Variants in EPHA6 observed in about 807,000 individuals in gnomAD.
The protein encoded by EPHA6 is ephrin type-A receptor 6.
A neutral mutation model predicts 112.0 loss-of-function variants in EPHA6; 50 were observed. The observed-to-expected ratio is 0.45, with a 90% CI of 0.36 to 0.56. The LOEUF (loss-of-function observed/expected upper bound fraction) is 0.56, where lower values mean the gene tolerates loss of function less well. Among genes scored for constraint, EPHA6 ranks in the 20% least tolerant of loss-of-function variants. The pLI is 0.00. For synonymous variants in EPHA6, 529 were observed against 490.7 expected, an observed-to-expected ratio of 1.08 and a Z score of -1.03; for missense variants, 1,280 against 1,417.4, an observed-to-expected ratio of 0.90 and a Z score of 1.56.
In EPHA6 at chr3:97,591,787, G is replaced by A. The variant is rs537361033; in HGVS notation, c.2387-825G>A. On this transcript the variant is annotated intron_variant, in intron 11 of 17. Transcript: ENST00000389672. ...CAATCTCCCAAATAAGAATGTATTC[G>A]TGATTTATTTTTATTCTAGTGTGGG... 6.6e-5 allele frequency among the ~76,000 whole-genome samples: 10 copies of A among 152,236 alleles called. No homozygotes were observed. The South Asian group carries it at 8.3e-4, about 13-fold the overall frequency.
At chr3:97,660,570 C>T (rs897113957) in intron 14 of EPHA6, among the ~76,000 whole-genome samples, 2 of 152,060 alleles carry the variant, frequency 1.3e-5, no homozygotes, top group Non-Finnish European at 2.9e-5. Context: ...AAATGTGGCA[C>T]ATTCTGACAG....
chr3:97,117,136 A>G (rs2047911618), intron 3 of EPHA6, among the ~76,000 whole-genome samples: 1 of 151,640 alleles, frequency 6.6e-6, no homozygotes, highest in African/African-American at 2.4e-5. Flanking sequence ...CTTGGGAAAA[A>G]TATCTTCTGA....
At chr3:96,912,751 C>A (rs1350128649) in intron 2 of EPHA6, among the ~76,000 whole-genome samples, 1 of 151,916 alleles carries the variant, frequency 6.6e-6, no homozygotes, top group Non-Finnish European at 1.5e-5. Flanking sequence ...CCATGCCCAG[C>A]TAATTTTTTC....
intron 10 of EPHA6, among the ~76,000 whole-genome samples, chr3:97,523,544 G>A (rs909132971): frequency 2.6e-5 from 4 of 151,916 alleles, no homozygotes; most frequent in Non-Finnish European, 5.9e-5. Flanking sequence ...GTCCATTTGG[G>A]GTAAAGGGTT....
intron 10 of EPHA6, among the ~76,000 whole-genome samples, chr3:97,510,769 T>A (rs944582554): frequency 2.0e-5 from 3 of 152,234 alleles, no homozygotes; most frequent in African/African-American, 7.2e-5. Context: ...TGTTTAAGTC[T>A]GCTGAAGCTG....
chr3:96,877,812 C>T (rs753052555), intron 2 of EPHA6, among the ~76,000 whole-genome samples: 1 of 151,672 alleles, frequency 6.6e-6, no homozygotes, highest in Non-Finnish European at 1.5e-5. Flanking sequence ...TCTTCTTCCC[C>T]ATAATTAGCA....
chr3:97,664,385 G>C (rs1161384254), intron 14 of EPHA6, among the ~76,000 whole-genome samples: 1 of 152,134 alleles, frequency 6.6e-6, no homozygotes, highest in Admixed American at 6.5e-5. Context: ...ATTGAAACTG[G>C]AAGCATTCCC....
rs918666239 is a variant in EPHA6, at chr3:96,948,777, CA to C, written c.451-38551del. 5.3e-5 allele frequency among the ~76,000 whole-genome samples: 8 copies of C among 152,200 alleles called. No individual in the cohort carries two copies. The South Asian group carries it at 1.2e-3, about 24-fold the overall frequency. On this transcript the variant is annotated intron_variant, in intron 2 of 17. Coordinates refer to ENST00000389672, the MANE Select transcript of EPHA6 (RefSeq NM_001080448.3). ...AAACAAAACACCTATACCTAATTGT[CA>C]AGATTGTTTGCTAAGTAAAAATTAA...
chr3:97,276,927 C>T (rs147930758), intron 5 of EPHA6, among the ~76,000 whole-genome samples: 17 of 152,106 alleles, frequency 1.1e-4, no homozygotes, highest in East Asian at 5.8e-4. Context: ...AGTCGTGGAA[C>T]GAAACTGTAA....
chr3:97,469,060 C>T (rs2091147525), intron 7 of EPHA6, among the ~76,000 whole-genome samples: 1 of 151,618 alleles, frequency 6.6e-6, no homozygotes, highest in African/African-American at 2.4e-5. Context: ...AACTCTTGTC[C>T]TTTCAAATAA....
At chr3:97,076,343 C>T (rs925876397) in intron 3 of EPHA6, among the ~76,000 whole-genome samples, 1 of 152,060 alleles carries the variant, frequency 6.6e-6, no homozygotes, top group African/African-American at 2.4e-5. Context: ...GATAGAAGAT[C>T]AAACCAGCCA....
chr3:97,258,115 A>G (rs1299780208), intron 5 of EPHA6, among the ~76,000 whole-genome samples: 1 of 152,104 alleles, frequency 6.6e-6, no homozygotes, highest in Non-Finnish European at 1.5e-5. Flanking sequence ...TTTCAATTGT[A>G]TGTCAATATT....
intron 5 of EPHA6, among the ~76,000 whole-genome samples, chr3:97,334,479 T>TTC (rs1193514721): frequency 4.0e-5 from 4 of 100,250 alleles, no homozygotes; most frequent in African/African-American, 2.2e-4. Flanking sequence ...TTTTTTCTTC[T>TTC]TTTTTTTTTT....
intron 3 of EPHA6, among the ~76,000 whole-genome samples, chr3:97,194,014 C>A (rs1482612508): frequency 6.6e-6 from 1 of 151,662 alleles, no homozygotes; most frequent in Non-Finnish European, 1.5e-5. Flanking sequence ...CTTATTTATT[C>A]AAAAAAACAA....
At chr3:96,980,301 A>T (rs566051919) in intron 2 of EPHA6, among the ~76,000 whole-genome samples, 1 of 152,168 alleles carries the variant, frequency 6.6e-6, no homozygotes, top group Non-Finnish European at 1.5e-5. Flanking sequence ...CCATTTATTA[A>T]ATAGGGAATC....
At chr3:97,270,807 T>A (rs1052323642) in intron 5 of EPHA6, among the ~76,000 whole-genome samples, 2 of 152,236 alleles carry the variant, frequency 1.3e-5, no homozygotes, top group Non-Finnish European at 2.9e-5. Context: ...GAATAATTTT[T>A]CCTTTTTTAA....
intron 15 of EPHA6, among the ~76,000 whole-genome samples, chr3:97,735,288 C>CT (rs955714046): frequency 6.6e-6 from 1 of 151,994 alleles, no homozygotes; most frequent in African/African-American, 2.4e-5. Flanking sequence ...GCTAATGCTC[C>CT]TATTGCCCTA....
intron 3 of EPHA6, among the ~76,000 whole-genome samples, chr3:97,156,481 C>T (rs1286108307): frequency 2.0e-5 from 3 of 152,054 alleles, no homozygotes; most frequent in Admixed American, 6.6e-5. Context: ...CAATTTAAAA[C>T]AACCCTGATT....
intron 3 of EPHA6, among the ~76,000 whole-genome samples, chr3:97,215,089 A>G (rs1194112756): frequency 1.3e-5 from 2 of 152,248 alleles, no homozygotes; most frequent in African/African-American, 4.8e-5. Context: ...CGATTATATT[A>G]ATATCAGTTC....
Sources: gnomAD v4.1 joint callset for allele counts (sites outside exome capture counted in the v4.1 genomes callset) on GRCh38, gnomAD v4.1.1 for gene constraint, MANE v1.5 for transcripts, NCBI Gene and HGNC (gene_info 2026-07-23, HGNC 2026-07-21) for gene names.